Variants in NLRC5 observed in about 807,000 individuals in gnomAD.
NLRC5 encodes the protein NLR family CARD domain containing 5, also known as protein NLRC5.
NLRC5 carries 114 observed loss-of-function variants against 206.9 expected under a neutral mutation model. The ratio of observed to expected loss-of-function variants is 0.55; its 90% CI spans 0.47 to 0.64. The LOEUF (loss-of-function observed/expected upper bound fraction) is 0.64. Ranked by LOEUF, NLRC5 falls within the 30% of genes least tolerant of loss-of-function variation. NLRC5 has a pLI of 0.00. For missense variants in NLRC5, 2,008 were observed against 2,305.5 expected (o/e 0.87, Z 2.64); for synonymous variants, 952 against 962.8 (o/e 0.99, Z 0.21).
At chr16:57,038,229 T>C (rs1404116094) in intron 15 of NLRC5, among the ~76,000 whole-genome samples, 1 of 152,098 alleles carries the variant, frequency 6.6e-6, no homozygotes, top group Non-Finnish European at 1.5e-5. Context: ...AGTTTCAATA[T>C]GGAGGGGTGA....
intron 24 of NLRC5, 95 bp downstream of exon 24, chr16:57,051,716 C>T: frequency 3.2e-6 from 3 of 935,926 alleles, no homozygotes; most frequent in Admixed American, 1.8e-5. Context: ...AACCCCTCAA[C>T]CCCCCGCCTT....
intron 47 of NLRC5, 70 bp downstream of exon 47, chr16:57,081,251 A>T: frequency 7.1e-7 from 1 of 1,418,362 alleles, no homozygotes; most frequent in East Asian, 2.5e-5. Flanking sequence ...CCAAGAGGCC[A>T]CTGGGTCAGT....
At chr16:57,059,599 C>G in intron 30 of NLRC5, 67 bp downstream of exon 30, 1 of 1,423,866 alleles carries the variant, frequency 7.0e-7, no homozygotes, top group Non-Finnish European at 9.5e-7. Context: ...ATGGCGGCCT[C>G]CATGGCCCCC....
intron 21 of NLRC5, 114 bp downstream of exon 21, chr16:57,045,606 C>A: frequency 2.2e-6 from 2 of 913,770 alleles, no homozygotes; most frequent in South Asian, 1.4e-5. Flanking sequence ...TTAAACCACC[C>A]AAGTCCGGCA....
At position 57,077,313 on chromosome 16, in the gene NLRC5, T is replaced by A; in HGVS notation, c.4853T>A (p.Ile1618Asn). ...LEELDLSHNQ[I>N]GDAGVQHLAT... is the part of the protein sequence containing the mutation. The stretch of plus-strand genomic sequence containing the variant: ...CCCCCAAGCTTGAGCCACAACCAGA[T>A]TGGAGACGCTGGTGTCCAGCACTTA... The change falls in exon 41 of 49, where the codon ATT becomes AAT. Residue 1618 changes from isoleucine to asparagine, a missense_variant. Coordinates refer to ENST00000688547, the MANE Select transcript of NLRC5 (RefSeq NM_001384950.1). 6.2e-7 allele frequency: 1 copy of A among 1,614,044 alleles called. No homozygotes were observed. Among genetic ancestry groups the A allele is most frequent in the Non-Finnish European group, 8.5e-7 (1 of 1,179,962 alleles).
chr16:57,027,992 C>A, intron 6 of NLRC5, 80 bp from the exon 7 acceptor site: 1 of 890,346 alleles, frequency 1.1e-6, no homozygotes, highest in Non-Finnish European at 1.8e-6. Flanking sequence ...TATTAAGCCC[C>A]ATCTCTCTGA....
At chr16:57,025,327 C>T (rs781318886) in intron 5 of NLRC5, 41 bp from the exon 6 acceptor site, 10 of 1,509,290 alleles carry the variant, frequency 6.6e-6, no homozygotes, top group Middle Eastern at 1.8e-4. Context: ...AGCAGAGGGC[C>T]GGGGGGTCCT....
At position 57,083,435 on chromosome 16, in the gene NLRC5, A is replaced by G. The variant is rs1173827497; in HGVS notation, c.*907A>G. On this transcript the variant is annotated 3_prime_UTR_variant, in exon 49 of 49. Coordinates refer to ENST00000688547, the MANE Select transcript of NLRC5 (RefSeq NM_001384950.1). Reference sequence around the variant, plus strand: ...TCTCCATGCACTTCACATGTTACCCAGTGTTCTTGTTACTTCCAAGGAGAA... The same window carrying G: ...TCTCCATGCACTTCACATGTTACCCGGTGTTCTTGTTACTTCCAAGGAGAA... The G allele has an allele frequency of 1.3e-5, 2 of 152,248 alleles. No individual in the cohort carries two copies. Among genetic ancestry groups the G allele is most frequent in the African/African-American group, 4.8e-5 (2 of 41,460 alleles). The allele number at this position is 152,248 out of a possible 1,614,324, so 9.4% of individuals were successfully genotyped here. A position where few individuals can be genotyped will look rare whatever the true frequency, so the allele number is the denominator to read the frequency against.
chr16:57,011,933 T>C (rs1248077792), intron 1 of NLRC5, among the ~76,000 whole-genome samples: 1 of 152,242 alleles, frequency 6.6e-6, no homozygotes, highest in Admixed American at 6.5e-5. Flanking sequence ...CTATCCATTT[T>C]AGGTGTAGGA....
intron 11 of NLRC5, among the ~76,000 whole-genome samples, chr16:57,032,491 A>T (rs745620869): frequency 3.9e-5 from 6 of 152,184 alleles, no homozygotes; most frequent in African/African-American, 4.8e-5. Flanking sequence ...GGCTATTTCA[A>T]TTTAAATAAA....
At chr16:57,022,417 C>A in intron 4 of NLRC5, 102 bp downstream of exon 4, 2 of 1,018,922 alleles carry the variant, frequency 2.0e-6, no homozygotes, top group Admixed American at 2.0e-5. Flanking sequence ...CTGGTCACAG[C>A]CATTTCTCAT....
intron 32 of NLRC5, chr16:57,062,279 G>C (rs1482433515): frequency 7.4e-6 from 3 of 407,224 alleles, no homozygotes; most frequent in Non-Finnish European, 1.4e-5. Context: ...GGACACCTAA[G>C]AAACTCAGTT....
chr16:57,065,347 A>C, intron 33 of NLRC5, 49 bp downstream of exon 33: 1 of 1,356,332 alleles, frequency 7.4e-7, no homozygotes, highest in Non-Finnish European at 1.0e-6. Flanking sequence ...TTTCATAAGC[A>C]TTGGGACTTT....
intron 16 of NLRC5, among the ~76,000 whole-genome samples, chr16:57,040,258 T>TAG (rs1449079989): frequency 1.3e-5 from 2 of 152,134 alleles, no homozygotes; most frequent in African/African-American, 4.8e-5. Context: ...AGCGCATGGG[T>TAG]AGAGACTCAG....
intron 16 of NLRC5, among the ~76,000 whole-genome samples, chr16:57,040,363 A>T (rs1253230654): frequency 6.6e-6 from 1 of 152,212 alleles, no homozygotes; most frequent in Non-Finnish European, 1.5e-5. Context: ...TGAAGCACAG[A>T]TGAGGAGGAG....
chr16:57,067,662 C>A (rs1845116063), intron 35 of NLRC5, 74 bp from the exon 36 acceptor site: 1 of 1,479,418 alleles, frequency 6.8e-7, no homozygotes, highest in Non-Finnish European at 9.4e-7. Flanking sequence ...TCTCTTGGCA[C>A]CCCCTTCTGG....
Position 57,081,155 on chromosome 16 carries a change from G to A in NLRC5, c.5379G>A (p.Pro1793=), listed in dbSNP as rs1270656610. 1.5e-5 allele frequency: 23 copies of A among 1,544,370 alleles called. 1 individual carries two copies. The East Asian group carries it at 2.2e-4, about 15-fold the overall frequency. The change falls in exon 47 of 49, where the codon CCG becomes CCA. Residue 1793 remains proline (P), a synonymous_variant. Coordinates refer to ENST00000688547, the MANE Select transcript of NLRC5 (RefSeq NM_001384950.1). ...EAAAELAQVL[P]QMGRLKRVDL... is the part of the protein sequence containing the mutation. Reference sequence around the variant, plus strand: ...CTGCCGAGCTGGCCCAGGTGCTGCCGCAGATGGGCCGGCTGAAGAGAGTGG... The same window carrying A: ...CTGCCGAGCTGGCCCAGGTGCTGCCACAGATGGGCCGGCTGAAGAGAGTGG...
At chr16:57,078,971 C>A in intron 43 of NLRC5, 79 bp from the exon 44 acceptor site, 1 of 1,304,168 alleles carries the variant, frequency 7.7e-7, no homozygotes, top group Non-Finnish European at 1.1e-6. Flanking sequence ...GCTGGCACTG[C>A]AGCCTGAGAC....
At chr16:57,070,288 T>G (rs2067493623) in intron 37 of NLRC5, among the ~76,000 whole-genome samples, 1 of 151,976 alleles carries the variant, frequency 6.6e-6, no homozygotes, top group Admixed American at 6.6e-5. Context: ...CCCAGCTTCC[T>G]CTCTGCAGCC....
Sources: allele counts gnomAD v4.1 joint callset (sites outside exome capture counted in the v4.1 genomes callset), GRCh38; gene constraint gnomAD v4.1.1; transcripts MANE v1.5; gene names NCBI Gene and HGNC (gene_info 2026-07-23, HGNC 2026-07-21).